Variants in DYM observed in about 807,000 individuals in gnomAD.
DYM encodes dymeclin.
Under a neutral mutation model 93.1 loss-of-function variants are expected in DYM, and 78 were observed. The ratio of observed to expected loss-of-function variants is 0.84; its 90% CI spans 0.70 to 1.01. The LOEUF is 1.01. Among genes scored for constraint, DYM ranks in the 50% least tolerant of loss-of-function variants. DYM has a pLI of 0.00. For synonymous variants in DYM, 321 were observed against 319.7 expected (o/e 1.00, Z -0.04); for missense variants, 789 against 845.0 (o/e 0.93, Z 0.82).
intron 6 of DYM, among the ~76,000 whole-genome samples, chr18:49,334,314 G>T (rs1163372668): frequency 6.6e-6 from 1 of 152,154 alleles, no homozygotes; most frequent in Non-Finnish European, 1.5e-5. Flanking sequence ...ATACACCCTA[G>T]ATCTTGTGTC....
At chr18:49,392,229 TAGAC>T (rs1046562098) in intron 2 of DYM, among the ~76,000 whole-genome samples, 19 of 152,112 alleles carry the variant, frequency 1.2e-4, no homozygotes, top group African/African-American at 4.3e-4. Flanking sequence ...GAGGCACAGA[TAGAC>T]AGAGACAGAA....
rs1239080758 is a variant in DYM at position 49,258,434 on chromosome 18, A to G, written c.1311T>C (p.Ser437=). The change falls in exon 12 of 18, where the codon AGT becomes AGC. Residue 437 remains serine, a synonymous_variant. Transcript: ENST00000675505. Reference sequence around the variant, plus strand: ...TTCTTATTACCACCAGGATCAGGAGACTCCCCAAGGAGATTTCAGTTAAAA... The same window carrying G: ...TTCTTATTACCACCAGGATCAGGAGGCTCCCCAAGGAGATTTCAGTTAAAA... ...ERVLTEISLG[S]LLILVVIRTI... 6.2e-7 allele frequency: 1 copy of G among 1,613,428 alleles called. No homozygotes were observed. Among genetic ancestry groups the G allele is most frequent in the Non-Finnish European group, 8.5e-7 (1 of 1,179,558 alleles).
intron 16 of DYM, 182 bp downstream of exon 16, chr18:49,118,562 A>ATG: frequency 1.6e-6 from 1 of 613,146 alleles, no homozygotes; most frequent in South Asian, 1.9e-5. Context: ...TTAAATATGT[A>ATG]TGTGTGTGTA....
intron 8 of DYM, among the ~76,000 whole-genome samples, chr18:49,310,037 A>G (rs2061498436): frequency 6.6e-6 from 1 of 152,220 alleles, no homozygotes; most frequent in African/African-American, 2.4e-5. Flanking sequence ...TACAAAACTC[A>G]AAGCTTGTAA....
intron 17 of DYM, among the ~76,000 whole-genome samples, chr18:49,056,751 G>GCA (rs1184438814): frequency 6.7e-6 from 1 of 149,846 alleles, no homozygotes; most frequent in Non-Finnish European, 1.5e-5. Flanking sequence ...GTTTCACCAT[G>GCA]TTAGCCAGGA....
At chr18:49,242,213 A>C (rs535362439) in intron 13 of DYM, among the ~76,000 whole-genome samples, 1 of 152,278 alleles carries the variant, frequency 6.6e-6, no homozygotes, top group South Asian at 2.1e-4. Flanking sequence ...GGAATTTGAG[A>C]CCAGCCTGGC....
At chr18:49,378,134 C>T (rs1461271127) in intron 5 of DYM, among the ~76,000 whole-genome samples, 1 of 152,172 alleles carries the variant, frequency 6.6e-6, no homozygotes, top group African/African-American at 2.4e-5. Context: ...GACACTCAGA[C>T]CCAGAAGCTA....
At chr18:49,168,180 G>A (rs1414067160) in intron 14 of DYM, among the ~76,000 whole-genome samples, 4 of 152,118 alleles carry the variant, frequency 2.6e-5, no homozygotes, top group Non-Finnish European at 4.4e-5. Context: ...TCTGAGGAAG[G>A]AGGAAAAAGG....
At chr18:49,183,666 T>C (rs967595226) in intron 14 of DYM, among the ~76,000 whole-genome samples, 3 of 152,276 alleles carry the variant, frequency 2.0e-5, no homozygotes, top group African/African-American at 7.2e-5. Flanking sequence ...CCTGTACATT[T>C]AACAGGGTCT....
In DYM at chr18:49,041,271, G is replaced by A. The variant is rs1428072300; in HGVS notation, c.*2784C>T. Among the ~76,000 whole-genome samples the A allele has an allele frequency of 6.6e-6, 1 of 152,180 alleles. No individual in the cohort carries two copies. Among genetic ancestry groups the A allele is most frequent in the African/African-American group, 2.4e-5 (1 of 41,436 alleles). On this transcript the variant is annotated 3_prime_UTR_variant, in exon 18 of 18. Coordinates refer to ENST00000675505, the MANE Select transcript of DYM (RefSeq NM_001353214.3). The stretch of plus-strand genomic sequence containing the variant: ...TGATAGGGAAGATGCTATTGAAAGG[G>A]ACAAATTCTTTTAAAAGTAAATATT...
At chr18:49,320,281 CAT>C (rs1418756688) in intron 8 of DYM, among the ~76,000 whole-genome samples, 1 of 152,106 alleles carries the variant, frequency 6.6e-6, no homozygotes, top group African/African-American at 2.4e-5. Context: ...AATAGTCAAA[CAT>C]ATAGAAAAGT....
At chr18:49,313,617 G>A (rs2061746389) in intron 8 of DYM, among the ~76,000 whole-genome samples, 1 of 151,768 alleles carries the variant, frequency 6.6e-6, no homozygotes, top group Admixed American at 6.6e-5. Flanking sequence ...ATAAAAATGG[G>A]CAACCGGCAG....
At chr18:49,281,388 A>G (rs558271246) in intron 10 of DYM, among the ~76,000 whole-genome samples, 54 of 152,314 alleles carry the variant, frequency 3.5e-4, no homozygotes, top group African/African-American at 1.3e-3. Context: ...TGTGGAAGTC[A>G]GTGTGGCAAT....
intron 13 of DYM, among the ~76,000 whole-genome samples, chr18:49,223,671 T>A (rs919888865): frequency 4.6e-5 from 7 of 151,994 alleles, no homozygotes; most frequent in African/African-American, 1.7e-4. Flanking sequence ...AAACTTGAAA[T>A]AGATGAGATT....
At chr18:49,342,618 A>G (rs1442065030) in intron 6 of DYM, among the ~76,000 whole-genome samples, 1 of 152,230 alleles carries the variant, frequency 6.6e-6, no homozygotes, top group African/African-American at 2.4e-5. Flanking sequence ...GGAGGTGAGG[A>G]TAATAAAAAT....
intron 13 of DYM, among the ~76,000 whole-genome samples, chr18:49,233,736 A>G (rs755209224): frequency 1.3e-5 from 2 of 152,202 alleles, no homozygotes; most frequent in East Asian, 3.8e-4. Context: ...AATAAAGACT[A>G]TATTTCTCAG....
At chr18:49,387,125 A>G (rs1813452190) in intron 3 of DYM, among the ~76,000 whole-genome samples, 1 of 151,664 alleles carries the variant, frequency 6.6e-6, no homozygotes, top group Admixed American at 6.6e-5. Flanking sequence ...TTTTGTAGAG[A>G]CAGGGTCTTG....
intron 6 of DYM, among the ~76,000 whole-genome samples, chr18:49,341,907 T>A (rs1362039986): frequency 6.6e-6 from 1 of 152,182 alleles, no homozygotes; most frequent in Non-Finnish European, 1.5e-5. Flanking sequence ...CTGAATATGT[T>A]CTATCAGCAC....
chr18:49,425,736 G>A (rs1428671512), intron 2 of DYM, among the ~76,000 whole-genome samples: 1 of 152,006 alleles, frequency 6.6e-6, no homozygotes, highest in East Asian at 1.9e-4. Flanking sequence ...GTAGGCAAAG[G>A]GTATGAACAG....
Sources: gnomAD v4.1 joint callset for allele counts (sites outside exome capture counted in the v4.1 genomes callset) on GRCh38, gnomAD v4.1.1 for gene constraint, MANE v1.5 for transcripts, NCBI Gene and HGNC (gene_info 2026-07-23, HGNC 2026-07-21) for gene names.